CAMK2D: variants seen among roughly 807,000 people sequenced by gnomAD.
CAMK2D encodes the protein calcium/calmodulin-dependent protein kinase type II subunit delta.
A neutral mutation model predicts 84.0 loss-of-function variants in CAMK2D; 37 were observed. The observed-to-expected ratio is 0.44, with a 90% confidence interval of 0.34 to 0.58. The LOEUF (loss-of-function observed/expected upper bound fraction) is 0.58. Ranked by LOEUF, CAMK2D falls within the 20% of genes least tolerant of loss-of-function variation. The probability of loss-of-function intolerance (pLI) is 0.02; values close to 1 mark genes in which losing one functional copy is unlikely to be tolerated. For missense variants in CAMK2D, 448 were observed against 652.5 expected, an observed-to-expected ratio of 0.69 and a Z score of 3.41; for synonymous variants, 202 against 212.5, an observed-to-expected ratio of 0.95 and a Z score of 0.43.
chr4:113,592,617 T>A (rs1449346858), intron 4 of CAMK2D, among the ~76,000 whole-genome samples: 2 of 152,202 alleles, frequency 1.3e-5, no homozygotes, highest in Non-Finnish European at 2.9e-5. Flanking sequence ...GGAGTATGAT[T>A]TTTTTTAAAG....
chr4:113,646,370 T>C (rs1274647225), intron 3 of CAMK2D, among the ~76,000 whole-genome samples: 4 of 152,204 alleles, frequency 2.6e-5, no homozygotes, highest in African/African-American at 9.6e-5. Context: ...AAGTTTTACA[T>C]ACTACTGGGT....
intron 13 of CAMK2D, among the ~76,000 whole-genome samples, chr4:113,507,153 T>TTAA (rs1224637867): frequency 5.9e-5 from 9 of 152,206 alleles, no homozygotes; most frequent in Non-Finnish European, 1.2e-4. Flanking sequence ...ATTTATAATA[T>TTAA]TAATTTATTG....
intron 2 of CAMK2D, among the ~76,000 whole-genome samples, chr4:113,722,136 A>G (rs922518903): frequency 8.6e-5 from 13 of 151,930 alleles, no homozygotes; most frequent in African/African-American, 3.1e-4. Context: ...GAGTATAGAA[A>G]AAGTTTTTTG....
Position 113,740,086 on chromosome 4 carries a change from T to C in CAMK2D, c.160+19234A>G, listed in dbSNP as rs576089513. Among the ~76,000 whole-genome samples the C allele has an allele frequency of 1.1e-4, 17 of 152,302 alleles. No individual in the cohort carries two copies. The South Asian group carries it at 2.9e-3, about 26-fold the overall frequency. On this transcript the variant is annotated intron_variant, in intron 2 of 20. Transcript: ENST00000511664. Reference sequence around the variant, plus strand: ...AATTGAATCCTATACTATAGAGTACTATCTCATAAAATGTTTCCTTTGTAT... The same window carrying C: ...AATTGAATCCTATACTATAGAGTACCATCTCATAAAATGTTTCCTTTGTAT...
chr4:113,626,130 C>T (rs543764593), intron 3 of CAMK2D, among the ~76,000 whole-genome samples: 1 of 152,054 alleles, frequency 6.6e-6, no homozygotes, highest in South Asian at 2.1e-4. Context: ...ACAGGAACTG[C>T]TGAGAGAGTG....
chr4:113,739,097 T>C (rs1420990513), intron 2 of CAMK2D, among the ~76,000 whole-genome samples: 2 of 152,198 alleles, frequency 1.3e-5, no homozygotes, highest in Non-Finnish European at 2.9e-5. Context: ...TCTTGTTTTG[T>C]CAGGCAGATC....
chr4:113,689,571 C>A (rs2099377302), intron 2 of CAMK2D, among the ~76,000 whole-genome samples: 2 of 152,188 alleles, frequency 1.3e-5, no homozygotes, highest in Admixed American at 6.5e-5. Context: ...TTGCCTCCAT[C>A]CTGTCCTTCT....
chr4:113,696,199 C>G (rs1254209372), intron 2 of CAMK2D, among the ~76,000 whole-genome samples: 62 of 6,304 alleles, frequency 9.8e-3, no homozygotes, highest in African/African-American at 0.013. Flanking sequence ...CACACAGACA[C>G]ACACACACAC....
At chr4:113,606,200 G>C (rs1235832976) in intron 4 of CAMK2D, among the ~76,000 whole-genome samples, 1 of 152,170 alleles carries the variant, frequency 6.6e-6, no homozygotes, top group East Asian at 1.9e-4. Flanking sequence ...GCCAGGCACA[G>C]TGGCTCATGC....
intron 2 of CAMK2D, among the ~76,000 whole-genome samples, chr4:113,682,196 T>A (rs1044794074): frequency 1.1e-4 from 16 of 152,332 alleles, no homozygotes; most frequent in South Asian, 2.1e-4. Context: ...TTAGCTGTTT[T>A]GATAGAAGAG....
intron 15 of CAMK2D, 85 bp from the exon 16 acceptor site, chr4:113,500,596 C>A: frequency 2.5e-6 from 2 of 808,664 alleles, no homozygotes; most frequent in Non-Finnish European, 4.1e-6. Context: ...ACATACATAT[C>A]ATGCAAAATT....
intron 2 of CAMK2D, among the ~76,000 whole-genome samples, chr4:113,674,542 G>A (rs1264090317): frequency 6.6e-6 from 1 of 151,992 alleles, no homozygotes; most frequent in Non-Finnish European, 1.5e-5. Flanking sequence ...TAAATTGTCT[G>A]TGGTTCCTTC....
At chr4:113,645,655 T>C (rs532014648) in intron 3 of CAMK2D, among the ~76,000 whole-genome samples, 1 of 152,066 alleles carries the variant, frequency 6.6e-6, no homozygotes, top group South Asian at 2.1e-4. Flanking sequence ...AATAAAGGGC[T>C]ACCCTAGAAT....
chr4:113,486,195 G>C (rs2097764330), intron 16 of CAMK2D, among the ~76,000 whole-genome samples: 1 of 151,896 alleles, frequency 6.6e-6, no homozygotes, highest in African/African-American at 2.4e-5. Flanking sequence ...CAGTAGTGCA[G>C]TCATAGCTCG....
intron 12 of CAMK2D, among the ~76,000 whole-genome samples, chr4:113,511,391 TGAAAA>T (rs2098212484): frequency 6.6e-6 from 1 of 152,188 alleles, no homozygotes; most frequent in Non-Finnish European, 1.5e-5. Context: ...TACATGATGA[TGAAAA>T]GGAAACTGTG....
At chr4:113,736,219 C>T (rs968471594) in intron 2 of CAMK2D, among the ~76,000 whole-genome samples, 1 of 151,088 alleles carries the variant, frequency 6.6e-6, no homozygotes. Flanking sequence ...TCAGATCTTC[C>T]AAGACATCCA....
chr4:113,507,203 C>T (rs115831794), intron 13 of CAMK2D, among the ~76,000 whole-genome samples: 4,443 of 151,266 alleles, frequency 0.029, 215 homozygotes, highest in African/African-American at 0.099. Context: ...GGCAAGAAGA[C>T]GTTCTTTTCA....
intron 8 of CAMK2D, among the ~76,000 whole-genome samples, chr4:113,523,397 T>C (rs935460315): frequency 1.3e-5 from 2 of 152,194 alleles, no homozygotes; most frequent in Non-Finnish European, 2.9e-5. Flanking sequence ...ATCTTTTTTT[T>C]TTTAAATTAT....
At chr4:113,558,035 G>T (rs1273925912) in intron 4 of CAMK2D, among the ~76,000 whole-genome samples, 1 of 152,168 alleles carries the variant, frequency 6.6e-6, no homozygotes. Flanking sequence ...CAGACCCAAA[G>T]ATGCAAGACA....
Sources: gnomAD v4.1 joint callset for allele counts (sites outside exome capture counted in the v4.1 genomes callset) on GRCh38, gnomAD v4.1.1 for gene constraint, MANE v1.5 for transcripts, NCBI Gene and HGNC (gene_info 2026-07-23, HGNC 2026-07-21) for gene names.